RAP1GAP: variants seen among roughly 807,000 people sequenced by gnomAD.
RAP1GAP encodes the protein RAP1 GTPase activating protein.
RAP1GAP carries 35 observed loss-of-function variants against 87.2 expected under a neutral mutation model. That is an observed-to-expected ratio of 0.40 (90% CI 0.31 to 0.53). RAP1GAP has a LOEUF of 0.53. RAP1GAP is among the 20% of genes least tolerant of loss of function. The pLI is 0.48. For missense variants in RAP1GAP, 734 were observed against 898.9 expected (o/e 0.82, Z 2.35); for synonymous variants, 375 against 363.9 (o/e 1.03, Z -0.35).
Position 21,603,687 on chromosome 1 carries a change from C to G in RAP1GAP, c.1429-774G>C, listed in dbSNP as rs552429864. On this transcript the variant is annotated intron_variant, in intron 18 of 24. Transcript: ENST00000374765. The surrounding 1 kb of genome is among the most constrained non-coding windows in gnomAD (Gnocchi z 6.0). ...CCCCAAAGCAGGTGCTGAGTGCCAT[C>G]GGAGCTGCCGCCACTCCATCCCGCA... The G allele has an allele frequency of 2.3e-6, 2 of 868,380 alleles. No homozygotes were observed. Among genetic ancestry groups the G allele is most frequent in the South Asian group, 1.3e-5 (1 of 75,774 alleles). 53.8% of individuals were successfully genotyped at this position (868,380 alleles called of 1,614,324 possible).
chr1:21,597,724 C>T lies in RAP1GAP; in HGVS notation c.1988G>A (p.Cys663Tyr), dbSNP rs144600468. 28 of 1,613,556 alleles carry T rather than the reference C, an allele frequency of 1.7e-5. No homozygotes were observed. The highest frequency in any genetic ancestry group is 1.7e-4 in the Middle Eastern group (1 of 6,058). ...CCTTCAGAGGGGGTGGCCCGGCTAA[C>T]AGCCCTGCAGACAGACAGTGGTGGT... is the stretch of plus-strand genomic sequence containing the variant. ...ASEQHMPQLG[C>Y] The change falls in exon 24 of 25, where the codon TGT becomes TAT. Residue 663 changes from cysteine (C) to tyrosine (Y), a missense_variant. Transcript: ENST00000374765.
chr1:21,618,092 C>A (rs1276000319), intron 5 of RAP1GAP, 120 bp from the exon 6 acceptor site: 3 of 1,169,782 alleles, frequency 2.6e-6, no homozygotes, highest in Non-Finnish European at 3.8e-6. Context: ...GGCCTCATCA[C>A]CTCTTACAGA....
Position 21,598,404 on chromosome 1 carries a change from G to A in RAP1GAP, c.1875C>T (p.Ser625=), listed in dbSNP as rs141260568. 2 of 1,612,662 alleles carry A rather than the reference G, an allele frequency of 1.2e-6. No homozygotes were observed. Among genetic ancestry groups the A allele is most frequent in the African/African-American group, 1.3e-5 (1 of 75,004 alleles). Residue 625 remains serine, a synonymous_variant, in exon 22 of 25, where the codon TCC becomes TCT. Transcript: ENST00000374765. ...GAAGCTGCCTTGTCCTGGTACCTGG[G>A]GAGCTGCCCCCACTAGTGGTGCTGA... The part of the protein sequence containing the change: ...DSVSTTSGGS[S]PGPSRSPHPD...
At position 21,601,728 on chromosome 1, in the gene RAP1GAP, G is replaced by A. The variant is rs752217400; in HGVS notation, c.1608C>T (p.Asn536=). 2 of 1,612,600 alleles carry A rather than the reference G, an allele frequency of 1.2e-6. No individual in the cohort carries two copies. Among genetic ancestry groups the A allele is most frequent in the Admixed American group, 3.3e-5 (2 of 59,960 alleles). ...TCTCTGGGGAGCTCTGAGTGGATGA[G>A]TTCTCCGACTTGGGCTCCTGTGAGA... The part of the protein sequence containing the change: ...GHVSQEPKSE[N]SSTQSSPEMP... Residue 536 remains asparagine, a synonymous_variant, in exon 20 of 25, where the codon AAC becomes AAT. Coordinates refer to ENST00000374765, the MANE Select transcript of RAP1GAP (RefSeq NM_002885.4).
chr1:21,596,777 T>C lies in RAP1GAP; in HGVS notation c.*522A>G, dbSNP rs1174247482. ...TAATCTTGTCCATTTGTAGCAGACA[T>C]GCCCAGAGAGGGAGAGTGACTTGCC... On this transcript the variant is annotated 3_prime_UTR_variant, in exon 25 of 25. Transcript: ENST00000374765. The C allele has an allele frequency of 1.3e-5, 2 of 152,252 alleles. No individual in the cohort carries two copies. Among genetic ancestry groups the C allele is most frequent in the Admixed American group, 1.3e-4 (2 of 15,286 alleles). 9.4% of individuals were successfully genotyped at this position (152,252 alleles called of 1,614,324 possible).
chr1:21,626,099 C>A (rs1035960609), intron 3 of RAP1GAP, among the ~76,000 whole-genome samples: 2 of 152,128 alleles, frequency 1.3e-5, no homozygotes, highest in Non-Finnish European at 2.9e-5. Flanking sequence ...CTGCCACAGT[C>A]TACAGACCTA....
chr1:21,646,911 G>A (rs1351581765), intron 2 of RAP1GAP, among the ~76,000 whole-genome samples: 2 of 152,114 alleles, frequency 1.3e-5, no homozygotes, highest in Admixed American at 6.5e-5. Context: ...ATGTGTAGGG[G>A]AACTCAGCCA....
intron 2 of RAP1GAP, among the ~76,000 whole-genome samples, chr1:21,644,432 C>G (rs1011886692): frequency 6.6e-5 from 10 of 152,316 alleles, no homozygotes; most frequent in Admixed American, 6.5e-4. Flanking sequence ...TACTTAACCT[C>G]TCTTTGCCTC....
intron 2 of RAP1GAP, 58 bp downstream of exon 2, chr1:21,649,703 G>T: frequency 1.3e-6 from 2 of 1,505,860 alleles, no homozygotes; most frequent in Non-Finnish European, 1.8e-6. Context: ...TGGATTGGGG[G>T]TATCTGCAGG....
intron 17 of RAP1GAP, among the ~76,000 whole-genome samples, chr1:21,607,813 C>T (rs946181993): frequency 1.3e-5 from 2 of 152,098 alleles, no homozygotes; most frequent in African/African-American, 4.8e-5. Flanking sequence ...AAGCCCAAGT[C>T]CACTTCGAGC....
chr1:21,600,802 G>A (rs1042754772), intron 20 of RAP1GAP, among the ~76,000 whole-genome samples: 16 of 150,714 alleles, frequency 1.1e-4, no homozygotes, highest in Admixed American at 2.6e-4. Flanking sequence ...GGAGAATGGC[G>A]TGAACCCGGG....
At chr1:21,599,151 G>A (rs2066128442) in intron 21 of RAP1GAP, among the ~76,000 whole-genome samples, 2 of 152,232 alleles carry the variant, frequency 1.3e-5, no homozygotes, top group African/African-American at 2.4e-5. Context: ...CCAGACAGAA[G>A]AGATGGCACA....
intron 2 of RAP1GAP, among the ~76,000 whole-genome samples, chr1:21,640,910 T>G (rs1000372531): frequency 6.6e-6 from 1 of 151,958 alleles, no homozygotes; most frequent in African/African-American, 2.4e-5. Context: ...GCAGCAGTTA[T>G]TTTTTGTGTG....
chr1:21,610,614 T>C (rs540551721), intron 13 of RAP1GAP, among the ~76,000 whole-genome samples: 1 of 152,304 alleles, frequency 6.6e-6, no homozygotes, highest in African/African-American at 2.4e-5. Context: ...CTGTGGCAGA[T>C]GATGATATCA....
At position 21,619,032 on chromosome 1, in the gene RAP1GAP, G is replaced by A. The variant is rs2084511848; in HGVS notation, c.59C>T (p.Pro20Leu). ...ACTGCCAGGCCCACCTACTTTGAGG[G>A]GCGGCGGGAAGGAGCAGCGTTGTTC... ...MDEQRCSFPP[P>L]LKTEEDYIPY... The change falls in exon 5 of 25, where the codon CCC (proline) becomes CTC (leucine). Residue 20 changes from proline to leucine, a missense_variant. Pro to Leu is a moderately conservative substitution (Grantham distance 98). Around this residue, in one of 2 missense-constraint regions of RAP1GAP, gnomAD observed 485 missense variants for 646.2 expected, o/e 0.75. Coordinates refer to ENST00000374765, the MANE Select transcript of RAP1GAP (RefSeq NM_002885.4). The A allele has an allele frequency of 1.2e-6, 2 of 1,600,264 alleles. No individual in the cohort carries two copies. Among genetic ancestry groups the A allele is most frequent in the Non-Finnish European group, 1.7e-6 (2 of 1,172,690 alleles).
At chr1:21,644,682 A>G (rs1247864263) in intron 2 of RAP1GAP, among the ~76,000 whole-genome samples, 2 of 151,932 alleles carry the variant, frequency 1.3e-5, no homozygotes, top group African/African-American at 4.8e-5. Flanking sequence ...GGAGGATCAC[A>G]AGGTCAGGAG....
At chr1:21,641,829 C>G (rs1244127836) in intron 2 of RAP1GAP, among the ~76,000 whole-genome samples, 2 of 152,198 alleles carry the variant, frequency 1.3e-5, no homozygotes, top group African/African-American at 4.8e-5. Context: ...GAGTGTATCA[C>G]AGCCAACCTT....
At chr1:21,662,573 G>T (rs780246266) in intron 1 of RAP1GAP, among the ~76,000 whole-genome samples, 4 of 152,110 alleles carry the variant, frequency 2.6e-5, no homozygotes, top group Non-Finnish European at 2.9e-5. Flanking sequence ...ATGGGGAGGG[G>T]GAGCTGGAAG....
intron 1 of RAP1GAP, among the ~76,000 whole-genome samples, chr1:21,657,625 C>T (rs1280489649): frequency 6.6e-6 from 1 of 152,200 alleles, no homozygotes; most frequent in Non-Finnish European, 1.5e-5. Context: ...ACCTCCACTG[C>T]TATGGGCGTG....
Sources: allele counts gnomAD v4.1 joint callset (sites outside exome capture counted in the v4.1 genomes callset), GRCh38; gene constraint gnomAD v4.1.1; regional missense constraint gnomAD v4.1.1; non-coding constraint Gnocchi (gnomAD v3.1); transcripts MANE v1.5; gene names NCBI Gene and HGNC (gene_info 2026-07-23, HGNC 2026-07-21).